Variants in NFAT5 observed in about 807,000 individuals in gnomAD.
The protein encoded by NFAT5 is nuclear factor of activated T cells 5.
NFAT5 carries 31 observed loss-of-function variants against 166.5 expected under a neutral mutation model. The ratio of observed to expected loss-of-function variants is 0.19; its 90% CI spans 0.14 to 0.25. NFAT5 has a LOEUF of 0.25. Ranked by LOEUF, NFAT5 falls within the 10% of genes least tolerant of loss-of-function variation. NFAT5 has a pLI of 1.00. For missense variants in NFAT5, 1,449 were observed against 1,821.8 expected, an observed-to-expected ratio of 0.80 and a Z score of 3.72; for synonymous variants, 612 against 639.7, an observed-to-expected ratio of 0.96 and a Z score of 0.65.
At chr16:69,651,051 C>T (rs1302585442) in intron 4 of NFAT5, among the ~76,000 whole-genome samples, 1 of 152,204 alleles carries the variant, frequency 6.6e-6, no homozygotes, top group Non-Finnish European at 1.5e-5. Flanking sequence ...AAATGACTTG[C>T]ACAAGTAATC....
At chr16:69,600,670 A>G (rs970171383) in intron 2 of NFAT5, among the ~76,000 whole-genome samples, 1 of 150,362 alleles carries the variant, frequency 6.7e-6, no homozygotes, top group African/African-American at 2.4e-5. Flanking sequence ...AGAAATAAAC[A>G]GTCATTTGCC....
chr16:69,566,907 C>T lies in NFAT5; in HGVS notation c.73+533C>T, dbSNP rs909804513. Among the ~76,000 whole-genome samples, 1 of 152,206 alleles carries T rather than the reference C, an allele frequency of 6.6e-6. No homozygotes were observed. The highest frequency in any genetic ancestry group is 1.5e-5 in the Non-Finnish European group (1 of 68,034). On this transcript the variant is annotated intron_variant, in intron 1 of 14. Transcript: ENST00000349945. This position sits in a 1 kb window ranked among gnomAD's most constrained non-coding sequence, Gnocchi z 5.7. The stretch of plus-strand genomic sequence containing the variant: ...CGCCGTCGTTCCACCCCCTCTCCCT[C>T]CGGCCTAGTCCACTCCCTCCCCATG...
chr16:69,684,320 G>A (rs2037197298), intron 10 of NFAT5, among the ~76,000 whole-genome samples: 1 of 150,342 alleles, frequency 6.7e-6, no homozygotes, highest in African/African-American at 2.4e-5. Context: ...CAGCAATTTG[G>A]GAGGCCGAGG....
At chr16:69,594,290 A>G (rs1406107360) in intron 2 of NFAT5, among the ~76,000 whole-genome samples, 1 of 152,230 alleles carries the variant, frequency 6.6e-6, no homozygotes, top group Admixed American at 6.5e-5. Context: ...ATGTTACTGA[A>G]CTAAATACTG....
Position 69,669,144 on chromosome 16 carries a change from C to CT in NFAT5, c.1370-831dup, listed in dbSNP as rs1362543015. 7.2e-5 allele frequency among the ~76,000 whole-genome samples: 11 copies of CT among 152,304 alleles called. No individual in the cohort carries two copies. In the East Asian group the frequency reaches 1.5e-3, roughly 21 times the overall value. ...TCCTGGGCTCAAGTGATCCTTCAAC[C>CT]TTAGCCTCCCAAAGTGCTGGGATTA... On this transcript the variant is annotated intron_variant, in intron 7 of 14. Transcript: ENST00000349945.
intron 7 of NFAT5, among the ~76,000 whole-genome samples, chr16:69,662,502 G>C (rs993046475): frequency 1.4e-5 from 2 of 138,988 alleles, no homozygotes; most frequent in Non-Finnish European, 3.0e-5. Context: ...TGTTGCCCAG[G>C]CTGAAGTGCA....
At chr16:69,674,766 TATCTC>T (rs1468560071) in intron 9 of NFAT5, among the ~76,000 whole-genome samples, 1 of 152,212 alleles carries the variant, frequency 6.6e-6, no homozygotes, top group African/African-American at 2.4e-5. Flanking sequence ...AAATAAAAAG[TATCTC>T]ATAGAAGAGT....
chr16:69,649,170 G>A, intron 4 of NFAT5: 4 of 942,004 alleles, frequency 4.2e-6, no homozygotes, highest in Non-Finnish European at 5.1e-6. Flanking sequence ...AATACAGCAG[G>A]TAAATACTTA....
intron 5 of NFAT5, 139 bp downstream of exon 5, chr16:69,653,567 T>C (rs1462563919): frequency 3.5e-6 from 2 of 564,312 alleles, no homozygotes; most frequent in Non-Finnish European, 5.7e-6. Flanking sequence ...TCCCAAACTT[T>C]AGAAAGAATT....
In NFAT5 at chr16:69,656,212, C is replaced by T. The variant is rs1450290091; in HGVS notation, c.1196+413C>T. On this transcript the variant is annotated intron_variant, in intron 6 of 14. Transcript: ENST00000349945. ...AGGAGAATCACTTGAACCCAGGAGG[C>T]GGAGTTTGCAGTGAGCCGAGATTGT... 6.4e-5 allele frequency among the ~76,000 whole-genome samples: 9 copies of T among 140,350 alleles called. No individual in the cohort carries two copies. The East Asian group carries it at 1.6e-3, about 25-fold the overall frequency. The allele number at this position is 140,350 out of a possible 152,430, so 92.1% of individuals were successfully genotyped here. A position where few individuals can be genotyped will look rare whatever the true frequency, so the allele number is the denominator to read the frequency against.
At chr16:69,598,594 T>G (rs1409011180) in intron 2 of NFAT5, among the ~76,000 whole-genome samples, 1 of 152,232 alleles carries the variant, frequency 6.6e-6, no homozygotes, top group Non-Finnish European at 1.5e-5. Context: ...GAGATGCTTA[T>G]GGGATATTGA....
At chr16:69,663,565 A>G (rs931540118) in intron 7 of NFAT5, among the ~76,000 whole-genome samples, 2 of 81,398 alleles carry the variant, frequency 2.5e-5, no homozygotes, top group South Asian at 7.8e-4. Flanking sequence ...CCATCTCTTT[A>G]AAAAAAAAAA....
chr16:69,614,805 T>G (rs2033863196), intron 2 of NFAT5, among the ~76,000 whole-genome samples: 1 of 152,138 alleles, frequency 6.6e-6, no homozygotes, highest in African/African-American at 2.4e-5. Flanking sequence ...CATTTAGTTG[T>G]CATATCTCTT....
At chr16:69,594,277 G>A (rs1234098413) in intron 2 of NFAT5, among the ~76,000 whole-genome samples, 13 of 152,068 alleles carry the variant, frequency 8.5e-5, no homozygotes, top group Non-Finnish European at 2.9e-5. Context: ...AAATCTGTAC[G>A]ACATGTTACT....
chr16:69,634,885 G>C (rs2034888703), intron 3 of NFAT5, among the ~76,000 whole-genome samples: 2 of 152,102 alleles, frequency 1.3e-5, no homozygotes, highest in Admixed American at 6.6e-5. Context: ...CTTGTAGTTA[G>C]ACAATAATAC....
chr16:69,626,801 G>C (rs905370851), intron 3 of NFAT5, among the ~76,000 whole-genome samples: 2 of 151,992 alleles, frequency 1.3e-5, no homozygotes, highest in Non-Finnish European at 2.9e-5. Flanking sequence ...AAGTTGTTTG[G>C]TTGACTGTGC....
At chr16:69,579,466 T>C (rs1016444032) in intron 2 of NFAT5, among the ~76,000 whole-genome samples, 1 of 152,274 alleles carries the variant, frequency 6.6e-6, no homozygotes, top group South Asian at 2.1e-4. Flanking sequence ...TGCTTTTTTT[T>C]AAAACTAGGT....
chr16:69,568,623 A>C, intron 2 of NFAT5, 75 bp downstream of exon 2: 1 of 1,269,796 alleles, frequency 7.9e-7, no homozygotes, highest in South Asian at 1.3e-5. Flanking sequence ...TTAAATGGGA[A>C]AGTATGAAAC....
intron 10 of NFAT5, among the ~76,000 whole-genome samples, chr16:69,679,325 C>G (rs569133058): frequency 6.6e-6 from 1 of 151,984 alleles, no homozygotes; most frequent in African/African-American, 2.4e-5. Flanking sequence ...TGTTAAAATA[C>G]CCCTTGAAGG....
Sources: gnomAD v4.1 joint callset for allele counts (sites outside exome capture counted in the v4.1 genomes callset) on GRCh38, gnomAD v4.1.1 for gene constraint, Gnocchi (gnomAD v3.1) non-coding constraint, MANE v1.5 for transcripts, NCBI Gene and HGNC (gene_info 2026-07-23, HGNC 2026-07-21) for gene names.